The following DYNC2H1 variants were observed in gnomAD, a reference collection of about 807,000 sequenced individuals.
DYNC2H1 encodes cytoplasmic dynein 2 heavy chain 1.
In DYNC2H1, 410 loss-of-function variants were observed where a neutral mutation model predicts 570.0. That is an observed-to-expected ratio of 0.72 (90% confidence interval 0.66 to 0.78). DYNC2H1 has a LOEUF of 0.78. Ranked by LOEUF, DYNC2H1 falls within the 30% of genes least tolerant of loss-of-function variation. The pLI is 0.00. For synonymous variants in DYNC2H1, 1,688 were observed against 1,677.6 expected (o/e 1.01, Z -0.15); for missense variants, 4,865 against 5,046.4 (o/e 0.96, Z 1.09).
chr11:103,143,327 T>G lies in DYNC2H1; in HGVS notation c.2634T>G (p.Thr878=), dbSNP rs769119386. The G allele has an allele frequency of 6.2e-7, 1 of 1,613,462 alleles. No individual in the cohort carries two copies. The highest frequency in any genetic ancestry group is 8.5e-7 in the Non-Finnish European group (1 of 1,179,658). ...CTCTGGTGGAAAAGCATCTTTTTAC[T>G]GTACATGATTGGGAGAAAAATTTTA... ...MEALVEKHLF[T]VHDWEKNFKA... Residue 878 remains threonine (T), a synonymous_variant, in exon 18 of 89, where the codon ACT becomes ACG. Transcript: ENST00000375735.
rs192111941 is a variant in DYNC2H1, at chr11:103,200,335, A to G, written c.8197+181A>G. Among the ~76,000 whole-genome samples the G allele has an allele frequency of 1.3e-3, 203 of 152,312 alleles. 1 individual carries two copies. Among genetic ancestry groups the G allele is most frequent in the African/African-American group, 4.7e-3 (194 of 41,564 alleles). On this transcript the variant is annotated intron_variant, in intron 50 of 88. Transcript: ENST00000375735. Reference sequence around the variant, plus strand: ...TGAGAGACTCCATTTTTATAAAACCAATAATTTAAGACATATAAAAATTGT... The same window carrying G: ...TGAGAGACTCCATTTTTATAAAACCGATAATTTAAGACATATAAAAATTGT...
intron 45 of DYNC2H1, among the ~76,000 whole-genome samples, chr11:103,190,851 T>TA (rs1379725304): frequency 1.3e-5 from 2 of 151,810 alleles, no homozygotes; most frequent in East Asian, 3.9e-4. Flanking sequence ...TTCCCAGCAT[T>TA]AAAAAATGGG....
chr11:103,404,990 C>A (rs1235953692), intron 84 of DYNC2H1: 1 of 151,806 alleles, frequency 6.6e-6, no homozygotes, highest in Non-Finnish European at 1.5e-5. Flanking sequence ...TGAGCTCATA[C>A]GATAAACCCT....
chr11:103,318,885 C>T (rs1232879152), intron 80 of DYNC2H1, among the ~76,000 whole-genome samples: 1 of 152,096 alleles, frequency 6.6e-6, no homozygotes, highest in Non-Finnish European at 1.5e-5. Flanking sequence ...CTCCTTTCTA[C>T]CTATGACCCA....
At chr11:103,332,959 T>C (rs1301361544) in intron 82 of DYNC2H1, among the ~76,000 whole-genome samples, 1 of 151,502 alleles carries the variant, frequency 6.6e-6, no homozygotes, top group African/African-American at 2.4e-5. Flanking sequence ...GCCGAGATCA[T>C]GCCACTGTAC....
intron 15 of DYNC2H1, 112 bp from the exon 16 acceptor site, chr11:103,135,383 T>C (rs1314000505): frequency 1.0e-6 from 1 of 969,794 alleles, no homozygotes; most frequent in Non-Finnish European, 1.4e-6. Flanking sequence ...TTGAAATGAG[T>C]TGGTTTTATT....
In DYNC2H1 at chr11:103,204,644, A is replaced by G. The variant is rs559366820; in HGVS notation, c.8312-178A>G. Among the ~76,000 whole-genome samples, 5 of 152,280 alleles carry G rather than the reference A, an allele frequency of 3.3e-5. No individual in the cohort carries two copies. The highest frequency in any genetic ancestry group is 1.2e-4 in the African/African-American group (5 of 41,562). On this transcript the variant is annotated intron_variant, in intron 51 of 88. Transcript: ENST00000375735. This position sits in a 1 kb window ranked among gnomAD's most constrained non-coding sequence, Gnocchi z 4.1. Reference sequence around the variant, plus strand: ...CTGAGTCTTTTTTCTTAACATGCACATACACAAATTTATAAGTGTTCTTTT... The same window carrying G: ...CTGAGTCTTTTTTCTTAACATGCACGTACACAAATTTATAAGTGTTCTTTT...
At chr11:103,120,395 A>G in intron 6 of DYNC2H1, 52 bp from the exon 7 acceptor site, 1 of 1,463,972 alleles carries the variant, frequency 6.8e-7, no homozygotes, top group Non-Finnish European at 9.2e-7. Context: ...AGACCTATTT[A>G]TGCAAATGGT....
intron 39 of DYNC2H1, among the ~76,000 whole-genome samples, chr11:103,179,615 TTTAA>T (rs1565371891): frequency 6.6e-6 from 1 of 151,686 alleles, no homozygotes; most frequent in South Asian, 2.1e-4. Context: ...AATTTTAGAA[TTTAA>T]TTAATTAAAT....
intron 57 of DYNC2H1, among the ~76,000 whole-genome samples, chr11:103,221,256 A>G (rs1863575480): frequency 6.6e-6 from 1 of 152,146 alleles, no homozygotes; most frequent in South Asian, 2.1e-4. Context: ...GAAACCATGC[A>G]GGTTCAGGTT....
chr11:103,300,319 T>A (rs1481650172), intron 75 of DYNC2H1, among the ~76,000 whole-genome samples: 1 of 152,098 alleles, frequency 6.6e-6, no homozygotes, highest in East Asian at 1.9e-4. Flanking sequence ...ATTTATTTTT[T>A]AAATTATGGT....
chr11:103,192,026 T>C, intron 46 of DYNC2H1, 71 bp from the exon 47 acceptor site: 2 of 1,252,440 alleles, frequency 1.6e-6, no homozygotes, highest in South Asian at 2.1e-5. Context: ...GCTATTTCTT[T>C]CTAATTTTAT....
chr11:103,375,069 TG>T (rs901761882), intron 83 of DYNC2H1, among the ~76,000 whole-genome samples: 7 of 152,170 alleles, frequency 4.6e-5, no homozygotes, highest in Non-Finnish European at 1.0e-4. Context: ...CCTTGGGACT[TG>T]GTGCCCTGCA....
intron 82 of DYNC2H1, among the ~76,000 whole-genome samples, chr11:103,354,353 T>C (rs1334392088): frequency 6.6e-6 from 1 of 152,040 alleles, no homozygotes; most frequent in Non-Finnish European, 1.5e-5. Context: ...CTATACTTAT[T>C]TTTTCCCTCA....
intron 75 of DYNC2H1, among the ~76,000 whole-genome samples, chr11:103,298,484 G>T (rs1866926585): frequency 6.6e-6 from 1 of 151,952 alleles, no homozygotes; most frequent in African/African-American, 2.4e-5. Flanking sequence ...GACATTCAAG[G>T]TTTAATGGCA....
At chr11:103,257,500 G>C in intron 68 of DYNC2H1, 108 bp from the exon 69 acceptor site, 1 of 1,133,564 alleles carries the variant, frequency 8.8e-7, no homozygotes, top group Non-Finnish European at 1.2e-6. Context: ...AAAAAGTAAG[G>C]TTTTTTTATT....
intron 88 of DYNC2H1, among the ~76,000 whole-genome samples, chr11:103,471,460 C>A (rs1215665362): frequency 4.6e-5 from 7 of 152,128 alleles, no homozygotes; most frequent in African/African-American, 1.7e-4. Context: ...AGATAAGGTA[C>A]CTAACTTCAC....
chr11:103,153,567 G>A, intron 22 of DYNC2H1, 59 bp downstream of exon 22: 3 of 1,393,298 alleles, frequency 2.2e-6, no homozygotes, highest in Non-Finnish European at 2.9e-6. Flanking sequence ...TATATATCAA[G>A]CTAGTAATTT....
rs1449751038 is a variant in DYNC2H1, at chr11:103,324,889, T to C, written c.12039+899T>C. Among the ~76,000 whole-genome samples the C allele has an allele frequency of 6.6e-6, 1 of 152,226 alleles. No homozygotes were observed. The highest frequency in any genetic ancestry group is 1.5e-5 in the Non-Finnish European group (1 of 68,034). On this transcript the variant is annotated intron_variant, in intron 82 of 88. Transcript: ENST00000375735. The surrounding 1 kb of genome is among the most constrained non-coding windows in gnomAD (Gnocchi z 5.2). ...GCCAGCACCTGTTATTTTTTGACTT[T>C]TTAATAATAGCCAGTCTGATGGGCA...
Sources: allele counts gnomAD v4.1 joint callset (sites outside exome capture counted in the v4.1 genomes callset), GRCh38; gene constraint gnomAD v4.1.1; non-coding constraint Gnocchi (gnomAD v3.1); transcripts MANE v1.5; gene names NCBI Gene and HGNC (gene_info 2026-07-23, HGNC 2026-07-21).